ATP8B4: variants seen among roughly 807,000 people sequenced by gnomAD.
ATP8B4 encodes probable phospholipid-transporting ATPase IM.
Under a neutral mutation model 145.6 loss-of-function variants are expected in ATP8B4, and 133 were observed. The observed-to-expected ratio is 0.91, with a 90% confidence interval of 0.79 to 1.05. The LOEUF is 1.05. Ranked by LOEUF, ATP8B4 falls within the 50% of genes least tolerant of loss-of-function variation. The probability of loss-of-function intolerance (pLI) is 0.00; values close to 1 mark genes in which losing one functional copy is unlikely to be tolerated. For synonymous variants in ATP8B4, 507 were observed against 492.9 expected (o/e 1.03, Z -0.38); for missense variants, 1,458 against 1,425.2 (o/e 1.02, Z -0.37).
rs557759125 is a variant in ATP8B4, at chr15:50,031,941, A to G, written c.362+6827T>C. 2.5e-3 allele frequency among the ~76,000 whole-genome samples: 377 copies of G among 152,346 alleles called. 1 individual carries two copies. Among genetic ancestry groups the G allele is most frequent in the African/African-American group, 8.6e-3 (358 of 41,586 alleles). ...ACTTTTAAATGCTATATAGTTAATT[A>G]TTGTAATATAAAACGTATTCAAATT... On this transcript the variant is annotated intron_variant, in intron 6 of 27. Transcript: ENST00000284509.
intron 1 of ATP8B4, among the ~76,000 whole-genome samples, chr15:50,118,249 T>C (rs1250683747): frequency 6.6e-6 from 1 of 152,202 alleles, no homozygotes; most frequent in Non-Finnish European, 1.5e-5. Context: ...ATGGTAAATG[T>C]TTGAGGTGAT....
intron 1 of ATP8B4, among the ~76,000 whole-genome samples, chr15:50,158,510 G>T (rs138293454): frequency 1.3e-5 from 2 of 148,152 alleles, no homozygotes; most frequent in Admixed American, 1.3e-4. Flanking sequence ...CCGGCCAGCC[G>T]CCCAGTCCGG....
chr15:49,994,292 T>A (rs968057760), intron 9 of ATP8B4, among the ~76,000 whole-genome samples: 1 of 152,130 alleles, frequency 6.6e-6, no homozygotes, highest in East Asian at 1.9e-4. Context: ...TTCAGGAAGC[T>A]AAAGCTTCCT....
At chr15:50,036,388 C>T (rs750840750) in intron 6 of ATP8B4, among the ~76,000 whole-genome samples, 2 of 152,172 alleles carry the variant, frequency 1.3e-5, no homozygotes, top group Non-Finnish European at 2.9e-5. Context: ...GGTCCAATAT[C>T]CCAAGGGCCA....
intron 1 of ATP8B4, among the ~76,000 whole-genome samples, chr15:50,138,704 G>C (rs1243156755): frequency 6.6e-6 from 1 of 152,072 alleles, no homozygotes; most frequent in East Asian, 1.9e-4. Flanking sequence ...TTTCAAACTA[G>C]AAATTAGAAA....
upstream of ATP8B4, among the ~76,000 whole-genome samples, chr15:50,119,752 CTTTTT>C (rs572570694): frequency 9.2e-4 from 84 of 91,600 alleles, 1 homozygote; most frequent in South Asian, 2.6e-3. Context: ...GTTTTTGTCA[CTTTTT>C]TTTTTTTTTT....
chr15:49,890,498 T>A (rs1490603018), intron 23 of ATP8B4, among the ~76,000 whole-genome samples: 1 of 152,292 alleles, frequency 6.6e-6, no homozygotes, highest in Middle Eastern at 3.4e-3. Flanking sequence ...TAAGGGGCTT[T>A]AGGGGCTAAG....
At position 49,893,061 on chromosome 15, in the gene ATP8B4, A is replaced by T. The variant is rs1430905487; in HGVS notation, c.2697+4231T>A. ...CCCACAGGGAACTGGATGAAGTCAC[A>T]CAAATGCTCTCTGGAAAACCTGACT... On this transcript the variant is annotated intron_variant, in intron 23 of 27. Transcript: ENST00000284509. 2.6e-5 allele frequency among the ~76,000 whole-genome samples: 4 copies of T among 152,244 alleles called. No individual in the cohort carries two copies. The East Asian group carries it at 7.7e-4, about 29-fold the overall frequency.
intron 1 of ATP8B4, among the ~76,000 whole-genome samples, chr15:50,155,336 A>G (rs2044396861): frequency 6.6e-6 from 1 of 152,112 alleles, no homozygotes; most frequent in South Asian, 2.1e-4. Context: ...AGATTCTAAA[A>G]CTATAAAGTT....
chr15:50,103,206 C>T (rs1004837713), intron 2 of ATP8B4, among the ~76,000 whole-genome samples: 1 of 152,072 alleles, frequency 6.6e-6, no homozygotes, highest in Non-Finnish European at 1.5e-5. Context: ...CCCATTTTCA[C>T]CACTTCTATT....
chr15:49,879,742 T>C (rs2153403689), intron 23 of ATP8B4: 2 of 256,710 alleles, frequency 7.8e-6, no homozygotes, highest in South Asian at 2.0e-4. Context: ...CCTAACATAG[T>C]GCGGGACACG....
chr15:50,112,432 G>A (rs1038832245), intron 1 of ATP8B4, among the ~76,000 whole-genome samples: 1 of 152,056 alleles, frequency 6.6e-6, no homozygotes, highest in East Asian at 1.9e-4. Flanking sequence ...GAAAAAGCAG[G>A]CCAAGGAGGA....
intron 3 of ATP8B4, among the ~76,000 whole-genome samples, chr15:50,064,967 C>A (rs1217058785): frequency 1.3e-5 from 2 of 152,126 alleles, no homozygotes; most frequent in African/African-American, 4.8e-5. Context: ...ATAAGAACTT[C>A]ACCCTCATAA....
intron 1 of ATP8B4, among the ~76,000 whole-genome samples, chr15:50,166,521 G>A (rs1411434351): frequency 2.0e-5 from 3 of 152,166 alleles, no homozygotes; most frequent in Non-Finnish European, 1.5e-5. Context: ...TTATAGTGAC[G>A]ATGTTTTGAA....
intron 18 of ATP8B4, 82 bp downstream of exon 18, chr15:49,920,164 C>T: frequency 6.7e-7 from 1 of 1,501,224 alleles, no homozygotes; most frequent in Non-Finnish European, 9.1e-7. Context: ...ATGACTTAGC[C>T]AATGGCTTAT....
At chr15:49,876,011 A>C (rs966848365) in intron 25 of ATP8B4, among the ~76,000 whole-genome samples, 2 of 152,048 alleles carry the variant, frequency 1.3e-5, no homozygotes, top group Non-Finnish European at 2.9e-5. Context: ...TAGTATAATC[A>C]TTTCTCTTTA....
chr15:50,078,859 T>C (rs1025361107), intron 2 of ATP8B4, among the ~76,000 whole-genome samples: 10 of 152,240 alleles, frequency 6.6e-5, no homozygotes, highest in South Asian at 2.1e-4. Context: ...TTATTTTCAG[T>C]TTTAAAGAAA....
chr15:50,157,761 G>A (rs1249311778), intron 1 of ATP8B4, among the ~76,000 whole-genome samples: 2 of 150,884 alleles, frequency 1.3e-5, no homozygotes, highest in East Asian at 2.0e-4. Context: ...CTCTCCCCAC[G>A]GTCTCCCTCT....
intron 14 of ATP8B4, among the ~76,000 whole-genome samples, chr15:49,941,068 A>T (rs1353674173): frequency 2.0e-5 from 3 of 152,144 alleles, no homozygotes; most frequent in Non-Finnish European, 4.4e-5. Context: ...GGGAAAAGAA[A>T]GAATTATGGT....
Sources: allele counts gnomAD v4.1 joint callset (sites outside exome capture counted in the v4.1 genomes callset), GRCh38; gene constraint gnomAD v4.1.1; transcripts MANE v1.5; gene names NCBI Gene and HGNC (gene_info 2026-07-23, HGNC 2026-07-21).